STXBP3: variants seen among roughly 807,000 people sequenced by gnomAD.
STXBP3 encodes syntaxin binding protein 3, also known as syntaxin-binding protein 3.
A neutral mutation model predicts 85.7 loss-of-function variants in STXBP3; 41 were observed. That is an observed-to-expected ratio of 0.48 (90% CI 0.37 to 0.62). STXBP3 has a LOEUF of 0.62. Among genes scored for constraint, STXBP3 ranks in the 20% least tolerant of loss-of-function variants. The probability of loss-of-function intolerance (pLI) is 0.00; values close to 1 mark genes in which losing one functional copy is unlikely to be tolerated. For synonymous variants in STXBP3, 229 were observed against 231.7 expected, an observed-to-expected ratio of 0.99 and a Z score of 0.10; for missense variants, 563 against 703.1, an observed-to-expected ratio of 0.80 and a Z score of 2.25.
chr1:108,748,665 CT>C (rs1490062506), intron 1 of STXBP3, among the ~76,000 whole-genome samples: 1 of 152,060 alleles, frequency 6.6e-6, no homozygotes, highest in East Asian at 1.9e-4. Flanking sequence ...AACTCTCTCT[CT>C]ATCAAAAATA....
chr1:108,794,830 G>A lies in STXBP3; in HGVS notation c.1033G>A (p.Val345Ile), dbSNP rs1396561959. Reference sequence around the variant, plus strand: ...ATTGATTTCTTCTGTTTTTCAGCAAGTTGTCCATCTTAACTTAGCAGAAGA... The same window carrying A: ...ATTGATTTCTTCTGTTTTTCAGCAAATTGTCCATCTTAACTTAGCAGAAGA... ...PHFRKQITKQ[V>I]VHLNLAEDCM... The change falls in exon 13 of 19, where the codon GTT becomes ATT. Residue 345 changes from valine (V) to isoleucine (I), a missense_variant. Coordinates refer to ENST00000370008, the MANE Select transcript of STXBP3 (RefSeq NM_007269.4). 6.8e-6 allele frequency: 11 copies of A among 1,609,326 alleles called. No individual in the cohort carries two copies. Among genetic ancestry groups the A allele is most frequent in the Non-Finnish European group, 9.3e-6 (11 of 1,177,522 alleles).
intron 6 of STXBP3, chr1:108,766,712 T>C (rs1344998498): frequency 6.0e-6 from 1 of 165,950 alleles, no homozygotes; most frequent in Non-Finnish European, 1.3e-5. Flanking sequence ...CTTCACAATA[T>C]CGGCTCTTAA....
intron 17 of STXBP3, among the ~76,000 whole-genome samples, chr1:108,803,321 G>C (rs772847390): frequency 1.3e-5 from 2 of 152,020 alleles, no homozygotes; most frequent in African/African-American, 2.4e-5. Context: ...TGTTCACTTT[G>C]TATCTTTTTT....
intron 11 of STXBP3, among the ~76,000 whole-genome samples, chr1:108,793,068 C>T (rs74448474): frequency 0.027 from 3,903 of 146,380 alleles, 181 homozygotes; most frequent in African/African-American, 0.091. Context: ...AATCTCTTTA[C>T]ACATTTTTGG....
At chr1:108,747,678 CA>C (rs1272017030) in intron 1 of STXBP3, among the ~76,000 whole-genome samples, 2 of 152,064 alleles carry the variant, frequency 1.3e-5, no homozygotes, top group Non-Finnish European at 2.9e-5. Context: ...ACTTGTTGAA[CA>C]AAAAACAAAT....
intron 17 of STXBP3, among the ~76,000 whole-genome samples, chr1:108,803,657 T>C (rs1012840365): frequency 2.6e-5 from 4 of 152,058 alleles, no homozygotes; most frequent in Non-Finnish European, 5.9e-5. Context: ...CCCTGCTGAT[T>C]TTTGTATTTT....
intron 6 of STXBP3, among the ~76,000 whole-genome samples, chr1:108,764,270 A>G (rs753827867): frequency 1.7e-4 from 26 of 152,008 alleles, no homozygotes; most frequent in Admixed American, 3.9e-4. Flanking sequence ...ATAGAGAGAG[A>G]TACCACATTT....
At chr1:108,752,691 C>T (rs751506369) in intron 2 of STXBP3, among the ~76,000 whole-genome samples, 1 of 152,112 alleles carries the variant, frequency 6.6e-6, no homozygotes, top group Non-Finnish European at 1.5e-5. Flanking sequence ...ATGGTAATAC[C>T]TCATATGGTA....
At chr1:108,792,979 T>C (rs1416017149) in intron 11 of STXBP3, among the ~76,000 whole-genome samples, 1 of 152,132 alleles carries the variant, frequency 6.6e-6, no homozygotes, top group Non-Finnish European at 1.5e-5. Flanking sequence ...TTGTCCAACA[T>C]TTAGCCACCC....
chr1:108,747,132 G>T (rs1317795273), intron 1 of STXBP3, among the ~76,000 whole-genome samples: 1 of 152,050 alleles, frequency 6.6e-6, no homozygotes, highest in Non-Finnish European at 1.5e-5. Context: ...ACTCTTCTCC[G>T]CTCCCGTCCG....
At chr1:108,762,886 A>T (rs1172422749) in intron 6 of STXBP3, among the ~76,000 whole-genome samples, 1 of 152,218 alleles carries the variant, frequency 6.6e-6, no homozygotes, top group Non-Finnish European at 1.5e-5. Context: ...ACTTTTGCCA[A>T]AATCCTCCAA....
At chr1:108,791,088 C>T (rs1662964466) in intron 11 of STXBP3, among the ~76,000 whole-genome samples, 3 of 152,156 alleles carry the variant, frequency 2.0e-5, no homozygotes, top group Middle Eastern at 3.4e-3. Flanking sequence ...AGGGCATCTT[C>T]GTTTTGCAAT....
intron 17 of STXBP3, among the ~76,000 whole-genome samples, chr1:108,803,240 G>C (rs1247431644): frequency 6.6e-6 from 1 of 152,116 alleles, no homozygotes; most frequent in Non-Finnish European, 1.5e-5. Context: ...CCCTCCTCTT[G>C]AACAATACAA....
intron 17 of STXBP3, 144 bp from the exon 18 acceptor site, chr1:108,807,257 C>CAAAAAAAAAAAAAAAAAAAAAAAAAAAAA (rs201346701): frequency 1.6e-6 from 1 of 623,152 alleles, no homozygotes; most frequent in African/African-American, 2.7e-5. Context: ...GACTCCACCT[C>CAAAAAAAAAAAAAAAAAAAAAAAAAAAAA]AAAAAAAAAA....
Position 108,796,327 on chromosome 1 carries a change from T to C in STXBP3, c.1204T>C (p.Cys402Arg). 6.3e-7 allele frequency: 1 copy of C among 1,598,002 alleles called. No homozygotes were observed. Among genetic ancestry groups the C allele is most frequent in the Non-Finnish European group, 8.6e-7 (1 of 1,165,588 alleles). The change falls in exon 14 of 19, where the codon TGT becomes CGT. Residue 402 changes from cysteine (C) to arginine (R), a missense_variant. Physicochemically the swap from Cys to Arg is radical, Grantham distance 180 (BLOSUM62 -3). Around this residue, in one of 3 missense-constraint regions of STXBP3, gnomAD observed 494 missense variants for 592.8 expected, o/e 0.83. Coordinates refer to ENST00000370008, the MANE Select transcript of STXBP3 (RefSeq NM_007269.4). The stretch of plus-strand genomic sequence containing the variant: ...TCTACTCAACAAAAATCATGATAAT[T>C]GTGATAAAATAAGAGCAATTCTACT... The part of the protein sequence containing the change: ...PVLLNKNHDN[C>R]DKIRAILLYI...
At chr1:108,788,477 G>C (rs1202389609) in intron 11 of STXBP3, among the ~76,000 whole-genome samples, 2 of 152,174 alleles carry the variant, frequency 1.3e-5, no homozygotes, top group East Asian at 3.8e-4. Context: ...GTTACTGCTT[G>C]TTCTATTGCT....
At position 108,746,772 on chromosome 1, in the gene STXBP3, G is replaced by C. The variant is rs764476825; in HGVS notation, c.35G>C (p.Ser12Thr). The change falls in exon 1 of 19, where the codon AGC (serine) becomes ACC (threonine). Residue 12 changes from serine to threonine, a missense_variant. Coordinates refer to ENST00000370008, the MANE Select transcript of STXBP3 (RefSeq NM_007269.4). ...APPVAERGLK[S>T]VVWQKIKATV... ...CCGGTGGCAGAGAGGGGGCTAAAGA[G>C]CGTCGTGTGGCAGAGTGAGTGCGGT... The C allele has an allele frequency of 4.6e-5, 71 of 1,550,438 alleles. No homozygotes were observed. The South Asian group carries it at 8.2e-4, about 18-fold the overall frequency.
chr1:108,801,925 T>C (rs987280686), intron 17 of STXBP3, among the ~76,000 whole-genome samples: 6 of 151,948 alleles, frequency 3.9e-5, no homozygotes, highest in Non-Finnish European at 8.8e-5. Flanking sequence ...TGCCTCAGCC[T>C]CCCAAAGCAC....
At chr1:108,761,358 G>T (rs908916238) in intron 6 of STXBP3, among the ~76,000 whole-genome samples, 7 of 152,152 alleles carry the variant, frequency 4.6e-5, no homozygotes, top group Non-Finnish European at 7.3e-5. Flanking sequence ...TTCTGAAAAT[G>T]ATGTAGGATT....
Sources: gnomAD v4.1 joint callset for allele counts (sites outside exome capture counted in the v4.1 genomes callset) on GRCh38, gnomAD v4.1.1 for gene constraint, gnomAD v4.1.1 regional missense constraint, MANE v1.5 for transcripts, NCBI Gene and HGNC (gene_info 2026-07-23, HGNC 2026-07-21) for gene names.